The following SNHG17 variants were observed in gnomAD, a reference collection of about 807,000 sequenced individuals.
SNHG17 encodes the protein small nucleolar RNA host gene 17, also known as small nucleolar RNA host gene 17 (non-protein coding).
At chr20:38,429,652 G>C (rs201296035) in intron 3 of SNHG17, 2 of 486,660 alleles carry the variant, frequency 4.1e-6, no homozygotes, top group South Asian at 3.0e-5. Flanking sequence ...CATCTAAGAC[G>C]TGGTGGGAGG....
intron 3 of SNHG17, among the ~76,000 whole-genome samples, chr20:38,430,432 T>G (rs909324693): frequency 3.3e-5 from 5 of 151,600 alleles, no homozygotes; most frequent in Admixed American, 2.6e-4. Flanking sequence ...GAGTTCGCGA[T>G]CAGCCTGGCC....
At chr20:38,422,033 A>G (rs2084163261) in intron 6 of SNHG17, 1 of 152,514 alleles carries the variant, frequency 6.6e-6, no homozygotes, top group Non-Finnish European at 1.5e-5. Context: ...ATCACAGCAC[A>G]CTATGGACAC....
chr20:38,431,993 C>T, intron 2 of SNHG17: 1 of 985,448 alleles, frequency 1.0e-6, no homozygotes, highest in Non-Finnish European at 1.2e-6. Flanking sequence ...AGAGGACAGA[C>T]CTCATAGAAC....
intron 3 of SNHG17, chr20:38,429,610 C>A: frequency 2.2e-6 from 1 of 449,474 alleles, no homozygotes; most frequent in Non-Finnish European, 4.3e-6. Flanking sequence ...AAGAGCAACA[C>A]AACCCACTAG....
intron 5 of SNHG17, among the ~76,000 whole-genome samples, chr20:38,424,870 G>A (rs1162126999): frequency 2.0e-5 from 3 of 152,198 alleles, no homozygotes; most frequent in African/African-American, 4.8e-5. Flanking sequence ...AGGCACAAGG[G>A]ACACTCAATG....
intron 3 of SNHG17, chr20:38,429,653 TG>T: frequency 2.1e-6 from 1 of 484,928 alleles, no homozygotes; most frequent in Non-Finnish European, 4.1e-6. Flanking sequence ...ATCTAAGACG[TG>T]GTGGGAGGGA....
chr20:38,433,721 T>C (rs2084376760), intron 2 of SNHG17: 4 of 453,484 alleles, frequency 8.8e-6, no homozygotes, highest in Non-Finnish European at 1.3e-5. Flanking sequence ...AGCTGTGGTT[T>C]CACCACCAAT....
At chr20:38,429,718 C>A (rs772835065) in intron 3 of SNHG17, 2 of 511,394 alleles carry the variant, frequency 3.9e-6, no homozygotes, top group Non-Finnish European at 7.8e-6. Context: ...ACCCTCCAAA[C>A]ACGGGGAAGT....
At chr20:38,425,869 G>A (rs909865011) in intron 5 of SNHG17, 1 of 153,394 alleles carries the variant, frequency 6.5e-6, no homozygotes, top group African/African-American at 2.4e-5. Flanking sequence ...ACGAGCCCAA[G>A]CAACATGGTG....
chr20:38,425,830 G>A (rs1167180472), intron 5 of SNHG17: 1 of 153,292 alleles, frequency 6.5e-6, no homozygotes, highest in Non-Finnish European at 1.5e-5. Context: ...AGCCAAGGTG[G>A]AAGGATTGCT....
chr20:38,423,550 T>TAAAAA (rs34484602), intron 5 of SNHG17, among the ~76,000 whole-genome samples: 29 of 125,042 alleles, frequency 2.3e-4, no homozygotes, highest in African/African-American at 8.2e-4. Context: ...TGTGCAATGT[T>TAAAAA]AAAAAAAAAA....
chr20:38,429,123 CA>C (rs2084295990), intron 3 of SNHG17: 1 of 152,840 alleles, frequency 6.5e-6, no homozygotes, highest in Admixed American at 6.5e-5. Context: ...AGGCTGAGTG[CA>C]GTGGCATGGT....
At chr20:38,424,875 T>C (rs972861108) in intron 5 of SNHG17, among the ~76,000 whole-genome samples, 8 of 152,188 alleles carry the variant, frequency 5.3e-5, no homozygotes, top group Non-Finnish European at 1.0e-4. Flanking sequence ...CAAGGGACAC[T>C]CAATGAACCA....
rs141797679 is a variant in SNHG17 at position 38,435,188 on chromosome 20, T to C, written n.185+9A>G. 23 of 1,232,158 alleles carry C rather than the reference T, an allele frequency of 1.9e-5. No individual in the cohort carries two copies. The African/African-American group carries it at 2.6e-4, about 14-fold the overall frequency. 76.3% of individuals were successfully genotyped at this position (1,232,158 alleles called of 1,614,324 possible). On this transcript the variant is annotated intron_variant and non_coding_transcript_variant, in intron 1 of 8. Coordinates refer to ENST00000654008, the Ensembl canonical transcript of SNHG17. The stretch of plus-strand genomic sequence containing the variant: ...GTGGAGCCGACCATGCGCCCTGCTG[T>C]GGACTCACCCGGCGCCCTGGCGTCG...
At chr20:38,427,532 C>A (rs1012453768) in intron 3 of SNHG17, 8 of 359,688 alleles carry the variant, frequency 2.2e-5, no homozygotes, top group Non-Finnish European at 4.5e-5. Context: ...AAGACTCCTG[C>A]AGCTGCCATC....
exon 1 of SNHG17, chr20:38,435,305 G>A (rs1189136012): frequency 7.1e-5 from 87 of 1,231,334 alleles, no homozygotes; most frequent in Non-Finnish European, 8.4e-5. Context: ...GATGGCGAAG[G>A]ACGGCGAGGG....
intron 3 of SNHG17, chr20:38,429,880 C>T (rs2084314973): frequency 2.1e-5 from 10 of 485,196 alleles, no homozygotes; most frequent in South Asian, 1.5e-4. Context: ...TGGAACAGAA[C>T]AGCTGACAGG....
At chr20:38,423,482 G>A (rs1600752768) in intron 5 of SNHG17, among the ~76,000 whole-genome samples, 1 of 141,238 alleles carries the variant, frequency 7.1e-6, no homozygotes, top group African/African-American at 2.6e-5. Context: ...GGACCTGGAG[G>A]ATATTATGTT....
intron 5 of SNHG17, among the ~76,000 whole-genome samples, chr20:38,425,624 T>C (rs2084233693): frequency 6.6e-6 from 1 of 152,184 alleles, no homozygotes; most frequent in Non-Finnish European, 1.5e-5. Flanking sequence ...TCCCAAGTAA[T>C]ACTGATGGTA....
Sources: gnomAD v4.1 joint callset for allele counts (sites outside exome capture counted in the v4.1 genomes callset) on GRCh38, gnomAD v4.1.1 for gene constraint, MANE v1.5 for transcripts, NCBI Gene and HGNC (gene_info 2026-07-23, HGNC 2026-07-21) for gene names.